Variants in CPT1A observed in about 807,000 individuals in gnomAD.
The protein encoded by CPT1A is carnitine O-palmitoyltransferase 1, liver isoform.
Under a neutral mutation model 100.8 loss-of-function variants are expected in CPT1A, and 64 were observed. That is an observed-to-expected ratio of 0.63 (90% CI 0.52 to 0.78). CPT1A has a LOEUF of 0.78. CPT1A is among the 30% of genes least tolerant of loss of function. The pLI is 0.00. For synonymous variants in CPT1A, 363 were observed against 396.0 expected, an observed-to-expected ratio of 0.92 and a Z score of 0.99; for missense variants, 802 against 1,034.1, an observed-to-expected ratio of 0.78 and a Z score of 3.08.
intron 1 of CPT1A, among the ~76,000 whole-genome samples, chr11:68,824,644 C>T (rs1311834964): frequency 6.6e-6 from 1 of 152,156 alleles, no homozygotes; most frequent in Non-Finnish European, 1.5e-5. Flanking sequence ...CAGCTCACTG[C>T]AGCTCTGGGT....
chr11:68,757,868 A>AAGG lies in CPT1A; in HGVS notation c.2236-139_2236-138insCCT, dbSNP rs1946722164. 1.1e-5 allele frequency: 8 copies of AAGG among 753,774 alleles called. No homozygotes were observed. In the East Asian group the frequency reaches 2.1e-4, roughly 20 times the overall value. 46.7% of individuals were successfully genotyped at this position (753,774 alleles called of 1,614,324 possible). Reference sequence around the variant, plus strand: ...TTCTCTAAGATCTGACCAACGTCTTAAAGCTTAACTTAGACATTCCAGAGA... The same window carrying AAGG: ...TTCTCTAAGATCTGACCAACGTCTTAAGGAAGCTTAACTTAGACATTCCAGAGA... On this transcript the variant is annotated intron_variant, in intron 18 of 18. Coordinates refer to ENST00000265641, the MANE Select transcript of CPT1A (RefSeq NM_001876.4).
At position 68,794,773 on chromosome 11, in the gene CPT1A, A is replaced by G. The variant is rs546227126; in HGVS notation, c.879+31T>C. ...TATACCTCTGTAAAGCTGTTTGAAA[A>G]TAATTTTTTTAAAGCAATTTGTTTG... On this transcript the variant is annotated intron_variant, in intron 8 of 18. Coordinates refer to ENST00000265641, the MANE Select transcript of CPT1A (RefSeq NM_001876.4). 5 of 1,545,638 alleles carry G rather than the reference A, an allele frequency of 3.2e-6. No individual in the cohort carries two copies. In the East Asian group the frequency reaches 1.1e-4, roughly 35 times the overall value.
Position 68,793,368 on chromosome 11 carries a change from G to T in CPT1A, c.914C>A (p.Ser305Tyr). The change falls in exon 9 of 19, where the codon TCC (serine) becomes TAC (tyrosine). Residue 305 changes from serine to tyrosine, a missense_variant. By Grantham distance (144) the Ser-to-Tyr change is moderately radical. Around this residue, in one of 4 missense-constraint regions of CPT1A, gnomAD observed 627 missense variants for 799.3 expected, o/e 0.78. Coordinates refer to ENST00000265641, the MANE Select transcript of CPT1A (RefSeq NM_001876.4). ...ATTAAACATCCGCTCCCACTGAGCG[G>T]AGCAGAGTGGAATCGTGGATCCCAA... ...RLLGSTIPLC[S>Y]AQWERMFNTS... 1 of 1,612,066 alleles carries T rather than the reference G, an allele frequency of 6.2e-7. No homozygotes were observed. Among genetic ancestry groups the T allele is most frequent in the South Asian group, 1.1e-5 (1 of 90,660 alleles).
At position 68,812,592 on chromosome 11, in the gene CPT1A, C is replaced by A. The variant is rs201717907; in HGVS notation, c.142-16G>T. On this transcript the variant is annotated splice_polypyrimidine_tract_variant and intron_variant, in intron 2 of 18. Transcript: ENST00000265641. ...TGATGCCGTTCTAAAGACAGACACCCGGGCCGTGAGCGGTGTCCTCCCACA... is the reference window on the plus strand; with the variant it reads ...TGATGCCGTTCTAAAGACAGACACCAGGGCCGTGAGCGGTGTCCTCCCACA... The A allele has an allele frequency of 3.1e-6, 5 of 1,613,958 alleles. No individual in the cohort carries two copies. Among genetic ancestry groups the A allele is most frequent in the East Asian group, 4.5e-5 (2 of 44,866 alleles).
In CPT1A at chr11:68,756,047, T is replaced by C. The variant is rs1474749873; in HGVS notation, c.*1597A>G. On this transcript the variant is annotated 3_prime_UTR_variant, in exon 19 of 19. Coordinates refer to ENST00000265641, the MANE Select transcript of CPT1A (RefSeq NM_001876.4). ...GAATCGCTTGAACCTGCAAGGCAGA[T>C]GCTGCAGTGAGCCGAGATTGCACCA... is the stretch of plus-strand genomic sequence containing the variant. 1 of 140,144 alleles carries C rather than the reference T, an allele frequency of 7.1e-6. No individual in the cohort carries two copies. Among genetic ancestry groups the C allele is most frequent in the East Asian group, 2.2e-4 (1 of 4,550 alleles). The allele number at this position is 140,144 out of a possible 1,614,324, so 8.7% of individuals were successfully genotyped here. A position where few individuals can be genotyped will look rare whatever the true frequency, so the allele number is the denominator to read the frequency against.
chr11:68,785,108 C>T (rs1784113139), intron 9 of CPT1A, 98 bp from the exon 10 acceptor site: 3 of 1,021,906 alleles, frequency 2.9e-6, no homozygotes, highest in Non-Finnish European at 4.5e-6. Flanking sequence ...CATGGGAGTC[C>T]CTGCTCTGCG....
chr11:68,807,343 G>C, intron 4 of CPT1A, 124 bp downstream of exon 4: 1 of 983,850 alleles, frequency 1.0e-6, no homozygotes, highest in South Asian at 1.4e-5. Flanking sequence ...TCAAGGTTGA[G>C]GCCCAAGTCA....
At chr11:68,784,356 T>A (rs1037034752) in intron 10 of CPT1A, among the ~76,000 whole-genome samples, 1 of 151,548 alleles carries the variant, frequency 6.6e-6, no homozygotes, top group Non-Finnish European at 1.5e-5. Context: ...AGGTCAGGAG[T>A]TTGAGACCAG....
intron 5 of CPT1A, among the ~76,000 whole-genome samples, chr11:68,802,979 C>A (rs1031575447): frequency 2.6e-5 from 4 of 151,608 alleles, no homozygotes; most frequent in Admixed American, 1.3e-4. Context: ...CTAGGTAGTG[C>A]CTTGCCCCTG....
At chr11:68,831,034 T>C (rs1353444592) in intron 1 of CPT1A, among the ~76,000 whole-genome samples, 2 of 152,210 alleles carry the variant, frequency 1.3e-5, no homozygotes, top group Non-Finnish European at 2.9e-5. Context: ...CAATTTTGCT[T>C]ACGATTAACT....
intron 1 of CPT1A, among the ~76,000 whole-genome samples, chr11:68,837,024 A>G (rs2154002996): frequency 6.6e-6 from 1 of 152,314 alleles, no homozygotes; most frequent in East Asian, 1.9e-4. Context: ...CAGTGATAGC[A>G]TATGACAGTT....
chr11:68,799,290 T>A lies in CPT1A; in HGVS notation c.621A>T (p.Gln207His). ...EDFKRMTALA[Q>H]DFAVGLGPRL... ...TTGGTCCAAGACCGACAGCAAAATC[T>A]TGAGCAAGTGCTGTCATCCGTTTGA... Residue 207 changes from glutamine (Q) to histidine (H), a missense_variant, in exon 6 of 19, where the codon CAA becomes CAT. Gln to His is a conservative substitution (Grantham distance 24). Around this residue, in one of 4 missense-constraint regions of CPT1A, gnomAD observed 627 missense variants for 799.3 expected, o/e 0.78. Coordinates refer to ENST00000265641, the MANE Select transcript of CPT1A (RefSeq NM_001876.4). The A allele has an allele frequency of 6.2e-7, 1 of 1,614,094 alleles. No homozygotes were observed. The highest frequency in any genetic ancestry group is 8.5e-7 in the Non-Finnish European group (1 of 1,179,980).
chr11:68,776,941 G>A (rs1325915534), intron 12 of CPT1A, among the ~76,000 whole-genome samples: 1 of 152,184 alleles, frequency 6.6e-6, no homozygotes, highest in Non-Finnish European at 1.5e-5. Flanking sequence ...ACATTCTAGT[G>A]AGGGAGGTAA....
Position 68,797,749 on chromosome 11 carries a change from G to A in CPT1A, c.694-816C>T, listed in dbSNP as rs191924678. On this transcript the variant is annotated intron_variant, in intron 6 of 18. Transcript: ENST00000265641. ...TCCCAGCACTTTGGGAGACTGAGGC[G>A]GGCTGATCACTTGAGGTTAGGAGTT... Among the ~76,000 whole-genome samples, 662 of 152,230 alleles carry A rather than the reference G, an allele frequency of 4.3e-3. 4 individuals are homozygous for A. Among genetic ancestry groups the A allele is most frequent in the African/African-American group, 0.015 (623 of 41,544 alleles).
At position 68,757,226 on chromosome 11, in the gene CPT1A, A is replaced by G. The variant is rs1166793191; in HGVS notation, c.*418T>C. 2 of 952,716 alleles carry G rather than the reference A, an allele frequency of 2.1e-6. No homozygotes were observed. The highest frequency in any genetic ancestry group is 1.3e-6 in the Non-Finnish European group (1 of 776,356). 59.0% of individuals were successfully genotyped at this position (952,716 alleles called of 1,614,324 possible). On this transcript the variant is annotated 3_prime_UTR_variant, in exon 19 of 19. Transcript: ENST00000265641. Reference sequence around the variant, plus strand: ...ACTTGAATAACACATTTTTCTTTTAACAAAACAAAAGTTTACCCTGCTTGG... The same window carrying G: ...ACTTGAATAACACATTTTTCTTTTAGCAAAACAAAAGTTTACCCTGCTTGG...
intron 1 of CPT1A, among the ~76,000 whole-genome samples, chr11:68,824,569 G>C (rs998077348): frequency 1.3e-5 from 2 of 152,158 alleles, no homozygotes; most frequent in Admixed American, 1.3e-4. Context: ...AAGATATTGT[G>C]GTTATGTTTT....
At chr11:68,825,828 T>G (rs1856712089) in intron 1 of CPT1A, among the ~76,000 whole-genome samples, 1 of 151,500 alleles carries the variant, frequency 6.6e-6, no homozygotes, top group South Asian at 2.1e-4. Flanking sequence ...CAGCTGGGAG[T>G]GGATGCAGAG....
rs1047292169 is a variant in CPT1A, at chr11:68,757,582, C to G, written c.*62G>C. The G allele has an allele frequency of 1.9e-6, 3 of 1,612,992 alleles. No individual in the cohort carries two copies. Among genetic ancestry groups the G allele is most frequent in the Non-Finnish European group, 2.5e-6 (3 of 1,179,612 alleles). ...TCCCGAGCTAAGGTCAGGATTAATGCCTATTTTTCATTTGGTTTGCATCAG... is the reference window on the plus strand; with the variant it reads ...TCCCGAGCTAAGGTCAGGATTAATGGCTATTTTTCATTTGGTTTGCATCAG... On this transcript the variant is annotated 3_prime_UTR_variant, in exon 19 of 19. Transcript: ENST00000265641.
rs184503151 is a variant in CPT1A at position 68,825,051 on chromosome 11, G to A, written c.-13-9564C>T. Among the ~76,000 whole-genome samples, 484 of 152,092 alleles carry A rather than the reference G, an allele frequency of 3.2e-3. 1 individual carries two copies. The highest frequency in any genetic ancestry group is 0.011 in the African/African-American group (454 of 41,504). ...TGACCTCAGGTGATCTGCCCAACTCGGCCTCCCAAAGTGCTGTGAGCCACT... is the reference window on the plus strand; with the variant it reads ...TGACCTCAGGTGATCTGCCCAACTCAGCCTCCCAAAGTGCTGTGAGCCACT... On this transcript the variant is annotated intron_variant, in intron 1 of 18. Coordinates refer to ENST00000265641, the MANE Select transcript of CPT1A (RefSeq NM_001876.4).
Sources: allele counts gnomAD v4.1 joint callset (sites outside exome capture counted in the v4.1 genomes callset), GRCh38; gene constraint gnomAD v4.1.1; regional missense constraint gnomAD v4.1.1; transcripts MANE v1.5; gene names NCBI Gene and HGNC (gene_info 2026-07-23, HGNC 2026-07-21).